Variants in ANK2 observed in about 807,000 individuals in gnomAD.
The protein encoded by ANK2 is ankyrin-2.
In ANK2, 83 loss-of-function variants were observed where a neutral mutation model predicts 360.5. That is an observed-to-expected ratio of 0.23 (90% CI 0.19 to 0.28). ANK2 has a LOEUF of 0.28. ANK2 is among the 10% of genes least tolerant of loss of function. The pLI is 1.00. For missense variants in ANK2, 4,201 were observed against 4,795.7 expected (o/e 0.88, Z 3.66); for synonymous variants, 1,740 against 1,759.5 (o/e 0.99, Z 0.28).
chr4:112,868,277 C>A, intron 1 of ANK2, among the ~76,000 whole-genome samples: 1 of 152,086 alleles, frequency 6.6e-6, no homozygotes, highest in South Asian at 2.1e-4. Context: ...TTATAATGAA[C>A]AGAAATTTAT....
intron 1 of ANK2, among the ~76,000 whole-genome samples, chr4:112,879,399 G>A (rs1472843221): frequency 6.6e-6 from 1 of 152,132 alleles, no homozygotes; most frequent in Non-Finnish European, 1.5e-5. Flanking sequence ...GAGGAACTGA[G>A]GCTTCTAGAA....
At chr4:112,763,818 C>T in the ANK2 span, among the ~76,000 whole-genome samples, 1 of 152,096 alleles carries the variant, frequency 6.6e-6, no homozygotes. Flanking sequence ...CCGTGCCCGA[C>T]CATATGTAGC....
At chr4:112,850,717 C>T (rs936252314) in intron 1 of ANK2, among the ~76,000 whole-genome samples, 11 of 150,956 alleles carry the variant, frequency 7.3e-5, no homozygotes, top group Non-Finnish European at 7.4e-5. Context: ...GGGATTTCAC[C>T]GTGTTAGCCA....
chr4:113,301,413 A>G (rs1181378637), intron 22 of ANK2, among the ~76,000 whole-genome samples: 1 of 149,120 alleles, frequency 6.7e-6, no homozygotes, highest in Non-Finnish European at 1.5e-5. Flanking sequence ...ACACACACAC[A>G]TTGTGAAATG....
intron 2 of ANK2, among the ~76,000 whole-genome samples, chr4:113,033,244 C>A (rs1414021629): frequency 6.6e-6 from 1 of 151,986 alleles, no homozygotes; most frequent in South Asian, 2.1e-4. Flanking sequence ...AGGATTACAA[C>A]CTCAGAAGTC....
At chr4:112,875,456 G>T (rs890074717) in intron 1 of ANK2, among the ~76,000 whole-genome samples, 14 of 151,674 alleles carry the variant, frequency 9.2e-5, no homozygotes, top group Non-Finnish European at 1.8e-4. Context: ...TGGACTACAG[G>T]CATGTGCCAC....
At chr4:113,160,945 C>T (rs2097513563) in intron 1 of ANK2, among the ~76,000 whole-genome samples, 1 of 152,188 alleles carries the variant, frequency 6.6e-6, no homozygotes, top group African/African-American at 2.4e-5. Flanking sequence ...GAAATAGACT[C>T]ACAGGGCCCA....
intron 22 of ANK2, among the ~76,000 whole-genome samples, chr4:113,301,489 C>G (rs1448245746): frequency 6.6e-6 from 1 of 151,998 alleles, no homozygotes; most frequent in East Asian, 1.9e-4. Flanking sequence ...GTGATGAGCG[C>G]ACTTAAAATC....
At chr4:112,905,495 A>C (rs1418862735) in intron 2 of ANK2, among the ~76,000 whole-genome samples, 1 of 152,228 alleles carries the variant, frequency 6.6e-6, no homozygotes, top group Non-Finnish European at 1.5e-5. Flanking sequence ...AAGATAAGAT[A>C]AAAGGAGTGG....
chr4:113,145,533 A>G (rs778476373), intron 1 of ANK2: 125 of 968,244 alleles, frequency 1.3e-4, no homozygotes, highest in Non-Finnish European at 1.5e-4. Flanking sequence ...GAAAAACAAA[A>G]CAACACCGCC....
At chr4:113,223,789 T>A (rs2099180939) in intron 4 of ANK2, among the ~76,000 whole-genome samples, 1 of 152,114 alleles carries the variant, frequency 6.6e-6, no homozygotes. Flanking sequence ...AAAACAGCAA[T>A]AAATATTATC....
chr4:113,293,577 C>G (rs776793683), intron 22 of ANK2, 39 bp downstream of exon 22: 1 of 1,563,320 alleles, frequency 6.4e-7, no homozygotes, highest in South Asian at 1.1e-5. Context: ...CCCTGTTATT[C>G]TTCGTTTTCA....
In ANK2 at chr4:113,306,052, T is replaced by G. The variant is rs1445694638; in HGVS notation, c.2548+3213T>G. 4.6e-5 allele frequency among the ~76,000 whole-genome samples: 7 copies of G among 152,190 alleles called. No individual in the cohort carries two copies. The East Asian group carries it at 1.3e-3, about 29-fold the overall frequency. ...CATAATATCCACTCATGAATCCAAT[T>G]AACAAATAATGAATATGATGTTATT... On this transcript the variant is annotated intron_variant, in intron 23 of 45. Transcript: ENST00000357077.
intron 1 of ANK2, among the ~76,000 whole-genome samples, chr4:112,843,235 C>T (rs1320854955): frequency 6.6e-6 from 1 of 152,136 alleles, no homozygotes; most frequent in African/African-American, 2.4e-5. Context: ...TGTTATTTAG[C>T]CTTCACGGAG....
chr4:113,052,692 A>G (rs2067626796), intron 1 of ANK2, among the ~76,000 whole-genome samples: 1 of 152,226 alleles, frequency 6.6e-6, no homozygotes, highest in South Asian at 2.1e-4. Flanking sequence ...CTCTCCACTC[A>G]GAAACCACAA....
intron 43 of ANK2, 54 bp from the exon 44 acceptor site, chr4:113,373,036 T>C (rs544569327): frequency 7.1e-7 from 1 of 1,409,340 alleles, no homozygotes; most frequent in East Asian, 2.3e-5. Flanking sequence ...TTGGGAGTAG[T>C]TCCTCAGAAT....
intron 42 of ANK2, among the ~76,000 whole-genome samples, chr4:113,368,220 G>A (rs182318104): frequency 7.9e-5 from 12 of 152,236 alleles, no homozygotes; most frequent in Non-Finnish European, 1.5e-4. Context: ...TAGATGACAC[G>A]GCCATGACTT....
chr4:112,812,056 C>T, the ANK2 span, among the ~76,000 whole-genome samples: 2 of 111,028 alleles, frequency 1.8e-5, no homozygotes, highest in Non-Finnish European at 3.3e-5. Context: ...GCCTGGGCAA[C>T]GGAGCAAGAC....
At chr4:112,872,154 G>A (rs917075465) in intron 1 of ANK2, among the ~76,000 whole-genome samples, 1 of 151,298 alleles carries the variant, frequency 6.6e-6, no homozygotes, top group Non-Finnish European at 1.5e-5. Flanking sequence ...AGCTTCCTTA[G>A]TAACTGGGAC....
Sources: allele counts gnomAD v4.1 joint callset (sites outside exome capture counted in the v4.1 genomes callset), GRCh38; gene constraint gnomAD v4.1.1; transcripts MANE v1.5; gene names NCBI Gene and HGNC (gene_info 2026-07-23, HGNC 2026-07-21).